Variants in ENOPH1 observed in about 807,000 individuals in gnomAD.
The protein encoded by ENOPH1 is enolase-phosphatase 1.
Under a neutral mutation model 31.1 loss-of-function variants are expected in ENOPH1, and 14 were observed. The observed-to-expected ratio is 0.45, with a 90% CI of 0.30 to 0.70. The LOEUF is 0.70. Ranked by LOEUF, ENOPH1 falls within the 30% of genes least tolerant of loss-of-function variation. ENOPH1 has a pLI of 0.09. For missense variants in ENOPH1, 243 were observed against 321.5 expected, an observed-to-expected ratio of 0.76 and a Z score of 1.87; for synonymous variants, 127 against 123.2, an observed-to-expected ratio of 1.03 and a Z score of -0.21.
At position 82,460,440 on chromosome 4, in the gene ENOPH1, G is replaced by A. The variant is rs552836828; in HGVS notation, c.*320G>A. On this transcript the variant is annotated 3_prime_UTR_variant, in exon 6 of 6. Transcript: ENST00000273920. ...TCTAATGTGCTATGTTTATCAAATC[G>A]TGTACTAAAATGGAAAGCTAGTTTT... 18 of 183,414 alleles carry A rather than the reference G, an allele frequency of 9.8e-5. No individual in the cohort carries two copies. The East Asian group carries it at 2.5e-3, about 25-fold the overall frequency. The allele number at this position is 183,414 out of a possible 1,614,324, so 11.4% of individuals were successfully genotyped here. A position where few individuals can be genotyped will look rare whatever the true frequency, so the allele number is the denominator to read the frequency against.
intron 3 of ENOPH1, among the ~76,000 whole-genome samples, 164 bp from the exon 4 acceptor site, chr4:82,454,558 G>T (rs141106325): frequency 6.6e-6 from 1 of 152,274 alleles, no homozygotes; most frequent in Non-Finnish European, 1.5e-5. Context: ...CCTGGAACTT[G>T]GGCAGTATGT....
At chr4:82,458,693 C>T (rs1461145469) in intron 5 of ENOPH1, among the ~76,000 whole-genome samples, 9 of 152,254 alleles carry the variant, frequency 5.9e-5, no homozygotes, top group Admixed American at 2.0e-4. Flanking sequence ...ATTGTGATGG[C>T]TTAACTTGGT....
chr4:82,446,513 T>C (rs1722187321), intron 1 of ENOPH1, among the ~76,000 whole-genome samples: 2 of 152,142 alleles, frequency 1.3e-5, no homozygotes. Flanking sequence ...GTGTTAGTCC[T>C]GTGTAGCAAA....
chr4:82,442,009 T>A (rs1722054120), intron 1 of ENOPH1, among the ~76,000 whole-genome samples: 1 of 152,198 alleles, frequency 6.6e-6, no homozygotes, highest in African/African-American at 2.4e-5. Flanking sequence ...TTCAGACTGA[T>A]CATAGTATAG....
At chr4:82,458,386 A>G (rs1722555240) in intron 5 of ENOPH1, among the ~76,000 whole-genome samples, 1 of 152,078 alleles carries the variant, frequency 6.6e-6, no homozygotes, top group African/African-American at 2.4e-5. Flanking sequence ...ACACGCCTGT[A>G]ATCCTGGCTA....
intron 1 of ENOPH1, among the ~76,000 whole-genome samples, chr4:82,437,214 T>C (rs1721930208): frequency 6.6e-6 from 1 of 152,234 alleles, no homozygotes; most frequent in African/African-American, 2.4e-5. Flanking sequence ...TTCCCTCACA[T>C]TTAATTGAAT....
chr4:82,452,378 A>G (rs1722372407), intron 3 of ENOPH1, among the ~76,000 whole-genome samples: 1 of 152,060 alleles, frequency 6.6e-6, no homozygotes, highest in Non-Finnish European at 1.5e-5. Flanking sequence ...GCGCAATCTC[A>G]GCTCACTGCA....
At chr4:82,441,534 T>C (rs1442311114) in intron 1 of ENOPH1, among the ~76,000 whole-genome samples, 1 of 152,176 alleles carries the variant, frequency 6.6e-6, no homozygotes, top group Non-Finnish European at 1.5e-5. Flanking sequence ...CTCTGGAGGC[T>C]GAGGCAGGAG....
chr4:82,450,629 T>C (rs1382034995), intron 2 of ENOPH1, among the ~76,000 whole-genome samples: 1 of 152,234 alleles, frequency 6.6e-6, no homozygotes, highest in Non-Finnish European at 1.5e-5. Flanking sequence ...CACTAGCTTC[T>C]TTTTGCTGAA....
At chr4:82,454,667 T>A (rs1722437228) in intron 3 of ENOPH1, 55 bp from the exon 4 acceptor site, 2 of 1,573,636 alleles carry the variant, frequency 1.3e-6, no homozygotes, top group African/African-American at 1.4e-5. Context: ...TTGACAGGTT[T>A]TTATCTGGCT....
chr4:82,440,575 C>T (rs953936762), intron 1 of ENOPH1, among the ~76,000 whole-genome samples: 1 of 152,174 alleles, frequency 6.6e-6, no homozygotes, highest in African/African-American at 2.4e-5. Context: ...CTTTCCCCTC[C>T]ACTGTTAAGG....
In ENOPH1 at chr4:82,451,195, G is replaced by A; in HGVS notation, c.339G>A (p.Leu113=). ...GAAAGACCACTGCACTCAAACAGCT[G>A]CAGGGCCACATGTGGAGGGCGGCAT... The part of the protein sequence containing the change: ...LDRKTTALKQ[L]QGHMWRAAFT... Residue 113 remains leucine, a synonymous_variant, in exon 3 of 6, where the codon CTG becomes CTA. Coordinates refer to ENST00000273920, the MANE Select transcript of ENOPH1 (RefSeq NM_021204.5). 1 of 1,614,230 alleles carries A rather than the reference G, an allele frequency of 6.2e-7. No homozygotes were observed. The highest frequency in any genetic ancestry group is 8.5e-7 in the Non-Finnish European group (1 of 1,180,046).
At chr4:82,453,352 G>C (rs1473149594) in intron 3 of ENOPH1, among the ~76,000 whole-genome samples, 1 of 152,146 alleles carries the variant, frequency 6.6e-6, no homozygotes, top group Non-Finnish European at 1.5e-5. Context: ...CCTTTTAAAG[G>C]ATGGACTGGA....
At chr4:82,450,754 T>C (rs1722326600) in intron 2 of ENOPH1, among the ~76,000 whole-genome samples, 1 of 152,218 alleles carries the variant, frequency 6.6e-6, no homozygotes, top group African/African-American at 2.4e-5. Context: ...CAGTAGTGAA[T>C]CAACAAATCA....
chr4:82,460,051 A>G lies in ENOPH1; in HGVS notation c.717A>G (p.Thr239=). ...TGAGACCAGGCAACGCAGGATTAAC[A>G]GATGATGAGAAGACTTACTACAGCC... is the stretch of plus-strand genomic sequence containing the variant. ...VVVRPGNAGL[T]DDEKTYYSLI... Residue 239 remains threonine, a synonymous_variant, in exon 6 of 6, where the codon ACA becomes ACG. Coordinates refer to ENST00000273920, the MANE Select transcript of ENOPH1 (RefSeq NM_021204.5). The G allele has an allele frequency of 6.2e-7, 1 of 1,614,208 alleles. No homozygotes were observed. The highest frequency in any genetic ancestry group is 8.5e-7 in the Non-Finnish European group (1 of 1,180,038).
intron 3 of ENOPH1, among the ~76,000 whole-genome samples, chr4:82,454,206 C>T (rs910878625): frequency 7.2e-5 from 11 of 151,832 alleles, no homozygotes; most frequent in African/African-American, 2.4e-4. Flanking sequence ...AGAGCAAGAC[C>T]CTGTCTCAAA....
At chr4:82,431,884 C>T (rs1322038394) in intron 1 of ENOPH1, among the ~76,000 whole-genome samples, 2 of 150,708 alleles carry the variant, frequency 1.3e-5, no homozygotes, top group Non-Finnish European at 1.5e-5. Context: ...TTTTAGTTTC[C>T]ATTTTTAAAA....
intron 3 of ENOPH1, among the ~76,000 whole-genome samples, chr4:82,453,510 G>C (rs1175451763): frequency 6.6e-6 from 1 of 152,150 alleles, no homozygotes; most frequent in African/African-American, 2.4e-5. Context: ...AACTGCTGAA[G>C]ACAGGAAAAA....
At position 82,430,731 on chromosome 4, in the gene ENOPH1, GC is replaced by G; in HGVS notation, c.-97del. 3 of 1,145,872 alleles carry G rather than the reference GC, an allele frequency of 2.6e-6. No homozygotes were observed. The highest frequency in any genetic ancestry group is 3.8e-6 in the Non-Finnish European group (3 of 781,992). The allele number at this position is 1,145,872 out of a possible 1,614,324, so 71.0% of individuals were successfully genotyped here. A position where few individuals can be genotyped will look rare whatever the true frequency, so the allele number is the denominator to read the frequency against. On this transcript the variant is annotated 5_prime_UTR_variant, in exon 1 of 6. Coordinates refer to ENST00000273920, the MANE Select transcript of ENOPH1 (RefSeq NM_021204.5). ...GCTGGCTCCGAGATCGCGCGGGGCC[GC>G]CGGAAGCCCAAGACGGTACCGGGGG...
Sources: gnomAD v4.1 joint callset for allele counts (sites outside exome capture counted in the v4.1 genomes callset) on GRCh38, gnomAD v4.1.1 for gene constraint, MANE v1.5 for transcripts, NCBI Gene and HGNC (gene_info 2026-07-23, HGNC 2026-07-21) for gene names.